The following SCARA5 variants were observed in gnomAD, a reference collection of about 807,000 sequenced individuals.
SCARA5 encodes the protein scavenger receptor class A member 5, also known as scavenger receptor class A, member 5 (putative).
In SCARA5, 45 loss-of-function variants were observed where a neutral mutation model predicts 46.3. The ratio of observed to expected loss-of-function variants is 0.97; its 90% confidence interval spans 0.76 to 1.24. SCARA5 has a LOEUF of 1.24. Ranked by LOEUF, SCARA5 falls within the 50% of genes most tolerant of loss-of-function variation. The pLI is 0.00. For missense variants in SCARA5, 680 were observed against 689.0 expected, an observed-to-expected ratio of 0.99 and a Z score of 0.15; for synonymous variants, 333 against 306.5, an observed-to-expected ratio of 1.09 and a Z score of -0.90.
At chr8:27,886,652 G>A (rs10103460) in intron 7 of SCARA5, among the ~76,000 whole-genome samples, 54,298 of 151,994 alleles carry the variant, frequency 0.36, 10,468 homozygotes, top group African/African-American at 0.48. Context: ...AATCACCAAC[G>A]CCCTCCAACA....
At position 27,991,493 on chromosome 8, in the gene SCARA5, A is replaced by G. The variant is rs569730137; in HGVS notation, c.-16+764T>C. On this transcript the variant is annotated intron_variant, in intron 1 of 8. Transcript: ENST00000354914. Reference sequence around the variant, plus strand: ...CTGATATCAGGACCCTGGCTCTTCAATCCTTCTCTGGAGATCAGAAGGACT... The same window carrying G: ...CTGATATCAGGACCCTGGCTCTTCAGTCCTTCTCTGGAGATCAGAAGGACT... 3.9e-5 allele frequency among the ~76,000 whole-genome samples: 6 copies of G among 152,270 alleles called. No homozygotes were observed. The South Asian group carries it at 6.2e-4, about 16-fold the overall frequency.
At chr8:27,973,199 G>A (rs568725257) in intron 2 of SCARA5, among the ~76,000 whole-genome samples, 4 of 152,284 alleles carry the variant, frequency 2.6e-5, no homozygotes, top group South Asian at 4.1e-4. Context: ...AGCTGGGGCC[G>A]GGTGTAGTGG....
At chr8:27,877,016 G>T (rs1806736133) in intron 8 of SCARA5, among the ~76,000 whole-genome samples, 1 of 152,154 alleles carries the variant, frequency 6.6e-6, no homozygotes, top group Non-Finnish European at 1.5e-5. Context: ...TTGGCACATG[G>T]TTTAGAATCC....
chr8:27,916,672 C>T (rs554183925), intron 4 of SCARA5, among the ~76,000 whole-genome samples: 22 of 152,262 alleles, frequency 1.4e-4, no homozygotes, highest in South Asian at 8.3e-4. Context: ...ATGGTAAATA[C>T]GTTCAGATAT....
chr8:27,966,007 G>A (rs1808363228), intron 3 of SCARA5, among the ~76,000 whole-genome samples: 1 of 152,198 alleles, frequency 6.6e-6, no homozygotes, highest in Non-Finnish European at 1.5e-5. Flanking sequence ...ACTGCAAAGG[G>A]CAGCAGGTTT....
chr8:27,921,891 A>C lies in SCARA5; in HGVS notation c.596T>G (p.Leu199Arg). The C allele has an allele frequency of 6.7e-7, 1 of 1,502,060 alleles. No homozygotes were observed. 93.0% of individuals were successfully genotyped at this position (1,502,060 alleles called of 1,614,324 possible). Residue 199 changes from leucine (L) to arginine (R), a missense_variant, in exon 4 of 9, where the codon CTG becomes CGG. By Grantham distance (102) the Leu-to-Arg change is moderately radical (BLOSUM62 -2). Transcript: ENST00000354914. ...GTCCAGCAGGCCCGCGTGGCGCCTCAGCAGCAGCTGGCTACTGTTGCTCTC... is the reference window on the plus strand; with the variant it reads ...GTCCAGCAGGCCCGCGTGGCGCCTCCGCAGCAGCTGGCTACTGTTGCTCTC... The part of the protein sequence containing the change: ...QVESNSSQLL[L>R]RRHAGLLDGL...
At position 27,987,591 on chromosome 8, in the gene SCARA5, G is replaced by A; in HGVS notation, c.25C>T (p.His9Tyr). 6.2e-7 allele frequency: 1 copy of A among 1,613,650 alleles called. No homozygotes were observed. The highest frequency in any genetic ancestry group is 1.3e-5 in the African/African-American group (1 of 75,038). The change falls in exon 2 of 9, where the codon CAC (histidine) becomes TAC (tyrosine). Residue 9 changes from histidine (H) to tyrosine (Y), a missense_variant. Around this residue, in one of 3 missense-constraint regions of SCARA5, gnomAD observed 23 missense variants for 35.0 expected, o/e 0.66. Transcript: ENST00000354914. ...CTGGTGTCACAGTCGCTGACGGTGT[G>A]TAGGTACATAGCTTTGTTCTCCATC... The part of the protein sequence containing the change: MENKAMYL[H>Y]TVSDCDTSSI...
chr8:27,975,439 A>G (rs1808507865), intron 2 of SCARA5, among the ~76,000 whole-genome samples: 2 of 152,148 alleles, frequency 1.3e-5, no homozygotes, highest in South Asian at 4.1e-4. Context: ...GGGAACCCCG[A>G]TTTATAGCCA....
At chr8:27,907,528 T>C (rs1807284801) in intron 5 of SCARA5, among the ~76,000 whole-genome samples, 1 of 150,626 alleles carries the variant, frequency 6.6e-6, no homozygotes, top group Non-Finnish European at 1.5e-5. Context: ...TTTGGGGGTG[T>C]CCCTTTGCCC....
chr8:27,982,557 C>T (rs557262094), intron 2 of SCARA5, among the ~76,000 whole-genome samples: 2 of 152,278 alleles, frequency 1.3e-5, no homozygotes, highest in South Asian at 2.1e-4. Context: ...GGAGGATGCT[C>T]GGCTATTGCC....
At chr8:27,924,422 C>T (rs1402566089) in intron 3 of SCARA5, among the ~76,000 whole-genome samples, 3 of 152,356 alleles carry the variant, frequency 2.0e-5, no homozygotes, top group African/African-American at 7.2e-5. Context: ...CTTCTGGAAG[C>T]ACACGGCATT....
intron 7 of SCARA5, among the ~76,000 whole-genome samples, chr8:27,895,919 T>C (rs1807057985): frequency 1.3e-5 from 2 of 152,198 alleles, no homozygotes; most frequent in Admixed American, 1.3e-4. Context: ...AAAAAGTGTG[T>C]CTGATCAAAT....
At chr8:27,895,194 G>A (rs1394271269) in intron 7 of SCARA5, among the ~76,000 whole-genome samples, 1 of 152,210 alleles carries the variant, frequency 6.6e-6, no homozygotes, top group Non-Finnish European at 1.5e-5. Flanking sequence ...CTGATTTTCT[G>A]CAGCTGCAGA....
At chr8:27,962,323 G>A (rs1195748882) in intron 3 of SCARA5, among the ~76,000 whole-genome samples, 2 of 152,114 alleles carry the variant, frequency 1.3e-5, no homozygotes, top group Non-Finnish European at 2.9e-5. Context: ...GTCTCCATAA[G>A]GTGAAAACAA....
intron 2 of SCARA5, among the ~76,000 whole-genome samples, chr8:27,982,651 G>A (rs1245765725): frequency 6.6e-6 from 1 of 152,178 alleles, no homozygotes; most frequent in Non-Finnish European, 1.5e-5. Flanking sequence ...CGCAAGGGAG[G>A]AGGCAGATTC....
intron 7 of SCARA5, among the ~76,000 whole-genome samples, chr8:27,904,155 C>T (rs912544568): frequency 2.0e-5 from 3 of 152,144 alleles, no homozygotes; most frequent in Admixed American, 6.5e-5. Flanking sequence ...TCTGCCGGAT[C>T]GCAAGCTCTC....
At chr8:27,975,516 A>G (rs1808509417) in intron 2 of SCARA5, among the ~76,000 whole-genome samples, 2 of 150,934 alleles carry the variant, frequency 1.3e-5, no homozygotes, top group Non-Finnish European at 3.0e-5. Flanking sequence ...ACCTGTGGGA[A>G]TCCAAGGCTA....
Position 27,992,351 on chromosome 8 carries a change from C to T in SCARA5, c.-110G>A, listed in dbSNP as rs117539042. 9.7e-3 allele frequency: 1,479 copies of T among 152,546 alleles called. 16 individuals carry two copies. Among genetic ancestry groups the T allele is most frequent in the Middle Eastern group, 0.02 (6 of 296 alleles). The allele number at this position is 152,546 out of a possible 1,614,324, so 9.4% of individuals were successfully genotyped here. On this transcript the variant is annotated 5_prime_UTR_variant, in exon 1 of 9. Transcript: ENST00000354914. ...GAGCTGGCTGCCACCACGCTGAGAG[C>T]CAGGCCGCCCCTCGGACCGCGTCCC...
At chr8:27,955,832 C>T (rs145078558) in intron 3 of SCARA5, among the ~76,000 whole-genome samples, 2 of 152,226 alleles carry the variant, frequency 1.3e-5, no homozygotes, top group East Asian at 1.9e-4. Flanking sequence ...TATGTGTCGA[C>T]GACTGGAGGG....
Sources: gnomAD v4.1 joint callset for allele counts (sites outside exome capture counted in the v4.1 genomes callset) on GRCh38, gnomAD v4.1.1 for gene constraint, gnomAD v4.1.1 regional missense constraint, MANE v1.5 for transcripts, NCBI Gene and HGNC (gene_info 2026-07-23, HGNC 2026-07-21) for gene names.